IL1RAPL2: variants seen among roughly 807,000 people sequenced by gnomAD.
IL1RAPL2 encodes X-linked interleukin-1 receptor accessory protein-like 2.
IL1RAPL2 carries 3 observed loss-of-function variants against 44.1 expected under a neutral mutation model. That is an observed-to-expected ratio of 0.07 (90% CI 0.03 to 0.18). The LOEUF (loss-of-function observed/expected upper bound fraction) is 0.18. IL1RAPL2 is among the 10% of genes least tolerant of loss of function. The pLI, the probability that IL1RAPL2 is intolerant of heterozygous loss-of-function variation, is 1.00. For missense variants in IL1RAPL2, 391 were observed against 496.4 expected, an observed-to-expected ratio of 0.79 and a Z score of 2.02; for synonymous variants, 181 against 178.8, an observed-to-expected ratio of 1.01 and a Z score of -0.10.
chrX:105,128,547 C>T (rs183617247), intron 2 of IL1RAPL2, among the ~76,000 whole-genome samples: 65 of 111,300 alleles, frequency 5.8e-4, no homozygotes, highest in African/African-American at 2.0e-3. Context: ...ATACATATAA[C>T]TCATATTAAA....
intron 2 of IL1RAPL2, among the ~76,000 whole-genome samples, chrX:104,855,611 C>T (rs1922334565): frequency 1.9e-5 from 2 of 107,415 alleles, no homozygotes; most frequent in Admixed American, 1.0e-4. Flanking sequence ...AAATACAAAT[C>T]TCAACTCTGC....
intron 6 of IL1RAPL2, among the ~76,000 whole-genome samples, chrX:105,602,225 G>T (rs2037257869): frequency 9.1e-6 from 1 of 109,307 alleles, no homozygotes; most frequent in Non-Finnish European, 1.9e-5. Flanking sequence ...ACCCCCTACA[G>T]CAGCAGAGAC....
At chrX:105,108,335 T>G (rs149487792) in intron 2 of IL1RAPL2, among the ~76,000 whole-genome samples, 3,566 of 110,907 alleles carry the variant, frequency 0.032, 129 homozygotes, top group African/African-American at 0.11. Context: ...GTTGTTGTTG[T>G]TGGTTTTGTT....
At chrX:104,761,963 CTT>C (rs1932462966) in intron 2 of IL1RAPL2, among the ~76,000 whole-genome samples, 1 of 97,121 alleles carries the variant, frequency 1.0e-5, no homozygotes, top group South Asian at 5.1e-4. Context: ...TCTTCTTCTT[CTT>C]CTTCTTCTTC....
chrX:104,568,111 A>G (rs184516049), intron 1 of IL1RAPL2, among the ~76,000 whole-genome samples: 39 of 111,173 alleles, frequency 3.5e-4, no homozygotes, highest in Non-Finnish European at 5.9e-4. Context: ...GGGGGAGTCT[A>G]TTTAGGAGTA....
intron 2 of IL1RAPL2, among the ~76,000 whole-genome samples, chrX:105,031,690 T>C (rs1024825823): frequency 1.1e-4 from 12 of 112,002 alleles, no homozygotes; most frequent in Non-Finnish European, 1.9e-4. Flanking sequence ...ATCAATGATA[T>C]TGGTCTAAAA....
intron 4 of IL1RAPL2, among the ~76,000 whole-genome samples, chrX:105,255,639 C>G (rs2034307746): frequency 9.0e-6 from 1 of 111,432 alleles, no homozygotes; most frequent in Non-Finnish European, 1.9e-5. Flanking sequence ...TTTGGATGCC[C>G]TTTATTTCTT....
At chrX:105,330,808 T>A (rs1463827078) in intron 5 of IL1RAPL2, among the ~76,000 whole-genome samples, 1 of 111,483 alleles carries the variant, frequency 9.0e-6, no homozygotes, top group Non-Finnish European at 1.9e-5. Flanking sequence ...TCATTAAATC[T>A]TTCCTGAATT....
chrX:104,794,900 T>G (rs1269202074), intron 2 of IL1RAPL2, among the ~76,000 whole-genome samples: 1 of 111,702 alleles, frequency 9.0e-6, no homozygotes, highest in African/African-American at 3.3e-5. Context: ...ATGTTCCCCT[T>G]CCTCTTTATT....
At chrX:105,067,233 C>T (rs957479153) in intron 2 of IL1RAPL2, among the ~76,000 whole-genome samples, 1 of 110,882 alleles carries the variant, frequency 9.0e-6, no homozygotes, top group Non-Finnish European at 1.9e-5. Flanking sequence ...CACACACATA[C>T]ACACGTGTGC....
At chrX:104,934,474 A>G (rs766260496) in intron 2 of IL1RAPL2, among the ~76,000 whole-genome samples, 1 of 111,763 alleles carries the variant, frequency 8.9e-6, no homozygotes, top group African/African-American at 3.2e-5. Flanking sequence ...AGAATTGACA[A>G]TGCTGAAAAT....
intron 2 of IL1RAPL2, among the ~76,000 whole-genome samples, chrX:104,916,504 T>A (rs1043009781): frequency 7.2e-5 from 8 of 111,745 alleles, no homozygotes; most frequent in Admixed American, 2.8e-4. Flanking sequence ...TACAATCATG[T>A]CATCTGCAAA....
intron 5 of IL1RAPL2, among the ~76,000 whole-genome samples, chrX:105,308,277 T>G (rs1463671027): frequency 1.8e-5 from 2 of 112,073 alleles, no homozygotes; most frequent in African/African-American, 6.5e-5. Context: ...GAAACCTGTT[T>G]TAGAATTGCT....
At chrX:105,364,678 A>G (rs2035279860) in intron 5 of IL1RAPL2, among the ~76,000 whole-genome samples, 1 of 110,776 alleles carries the variant, frequency 9.0e-6, no homozygotes, top group African/African-American at 3.3e-5. Context: ...GTTCTTGTAA[A>G]TGACGTTTTA....
At chrX:104,965,496 G>T (rs1375072345) in intron 2 of IL1RAPL2, among the ~76,000 whole-genome samples, 9 of 111,183 alleles carry the variant, frequency 8.1e-5, no homozygotes, top group African/African-American at 2.9e-4. Flanking sequence ...AACTCTTTCT[G>T]AAGGATTTTA....
chrX:105,184,799 G>T (rs1035224639), intron 2 of IL1RAPL2, among the ~76,000 whole-genome samples: 5 of 111,088 alleles, frequency 4.5e-5, no homozygotes, highest in African/African-American at 1.3e-4. Context: ...AAAATGTAAT[G>T]AATTTAATAT....
intron 1 of IL1RAPL2, among the ~76,000 whole-genome samples, chrX:104,639,780 A>G (rs1929898048): frequency 8.9e-6 from 1 of 111,828 alleles, no homozygotes. Flanking sequence ...TTTGCTGGAC[A>G]TGTTATTCTT....
intron 8 of IL1RAPL2, among the ~76,000 whole-genome samples, chrX:105,744,779 T>C (rs923703466): frequency 1.8e-5 from 2 of 111,943 alleles, no homozygotes; most frequent in African/African-American, 6.5e-5. Flanking sequence ...TAAGTGCAAC[T>C]AGCATTTCAG....
chrX:104,681,187 CAATA>C (rs1401991686), intron 2 of IL1RAPL2, among the ~76,000 whole-genome samples: 4 of 112,290 alleles, frequency 3.6e-5, no homozygotes, highest in Admixed American at 2.8e-4. Context: ...ATAATACTCT[CAATA>C]AATTTAATAC....
Sources: gnomAD v4.1 joint callset for allele counts (sites outside exome capture counted in the v4.1 genomes callset) on GRCh38, gnomAD v4.1.1 for gene constraint, MANE v1.5 for transcripts, NCBI Gene and HGNC (gene_info 2026-07-23, HGNC 2026-07-21) for gene names.